SLC10A7: variants seen among roughly 807,000 people sequenced by gnomAD.
The protein encoded by SLC10A7 is sodium/bile acid cotransporter 7.
A neutral mutation model predicts 43.2 loss-of-function variants in SLC10A7; 29 were observed. The ratio of observed to expected loss-of-function variants is 0.67; its 90% confidence interval spans 0.50 to 0.92. The LOEUF is 0.92. Among genes scored for constraint, SLC10A7 ranks in the 40% least tolerant of loss-of-function variants. The pLI, the probability that SLC10A7 is intolerant of heterozygous loss-of-function variation, is 0.00. For synonymous variants in SLC10A7, 152 were observed against 144.8 expected (o/e 1.05, Z -0.35); for missense variants, 295 against 403.2 (o/e 0.73, Z 2.30).
At chr4:146,306,873 GATA>G (rs1560783354) in intron 6 of SLC10A7, among the ~76,000 whole-genome samples, 1 of 152,086 alleles carries the variant, frequency 6.6e-6, no homozygotes, top group East Asian at 1.9e-4. Context: ...CCAAACCATC[GATA>G]ATTGGCCCTT....
intron 10 of SLC10A7, among the ~76,000 whole-genome samples, chr4:146,269,253 A>G (rs1354816499): frequency 6.6e-6 from 1 of 152,246 alleles, no homozygotes; most frequent in Non-Finnish European, 1.5e-5. Flanking sequence ...ATTTAACTCT[A>G]CCAATTGAAG....
intron 5 of SLC10A7, among the ~76,000 whole-genome samples, chr4:146,368,081 A>G (rs1736520653): frequency 1.3e-5 from 2 of 152,208 alleles, no homozygotes; most frequent in Admixed American, 1.3e-4. Flanking sequence ...CTCAGAATTA[A>G]CACTGCCAGG....
At chr4:146,308,270 A>T (rs912936819) in intron 6 of SLC10A7, among the ~76,000 whole-genome samples, 7 of 152,158 alleles carry the variant, frequency 4.6e-5, no homozygotes, top group Non-Finnish European at 1.0e-4. Flanking sequence ...TCTGAAAGGA[A>T]GGAAACCTCA....
intron 5 of SLC10A7, among the ~76,000 whole-genome samples, chr4:146,372,453 C>T (rs1355402601): frequency 6.0e-5 from 7 of 116,994 alleles, no homozygotes; most frequent in Admixed American, 8.7e-5. Flanking sequence ...AACCCTGTTT[C>T]AAAAAAAAAA....
intron 5 of SLC10A7, among the ~76,000 whole-genome samples, chr4:146,329,283 T>C (rs1733371767): frequency 1.3e-5 from 2 of 152,184 alleles, no homozygotes; most frequent in Admixed American, 6.5e-5. Context: ...TTCAGTTGTA[T>C]TAGGAAGTGA....
At chr4:146,461,822 G>GAT (rs1344667756) in intron 4 of SLC10A7, among the ~76,000 whole-genome samples, 1 of 98,680 alleles carries the variant, frequency 1.0e-5, no homozygotes, top group African/African-American at 3.9e-5. Context: ...GAGTGACCAG[G>GAT]CTTTTTTTTT....
At chr4:146,517,357 G>T (rs1375353752) in intron 1 of SLC10A7, among the ~76,000 whole-genome samples, 1 of 152,048 alleles carries the variant, frequency 6.6e-6, no homozygotes, top group Non-Finnish European at 1.5e-5. Flanking sequence ...CCAGCTCCTT[G>T]GGAGGCTGAG....
intron 7 of SLC10A7, among the ~76,000 whole-genome samples, chr4:146,305,594 T>TA (rs201374314): frequency 1.9e-3 from 285 of 146,430 alleles, no homozygotes; most frequent in African/African-American, 5.5e-3. Context: ...AAAAAAAACT[T>TA]AAAAAAAAAA....
At chr4:146,459,631 A>G (rs1184492335) in intron 4 of SLC10A7, among the ~76,000 whole-genome samples, 1 of 151,534 alleles carries the variant, frequency 6.6e-6, no homozygotes, top group Non-Finnish European at 1.5e-5. Context: ...AAAAAAACGA[A>G]AAACTCTGAT....
chr4:146,444,868 G>C (rs1730906954), intron 4 of SLC10A7, among the ~76,000 whole-genome samples: 1 of 152,134 alleles, frequency 6.6e-6, no homozygotes, highest in African/African-American at 2.4e-5. Flanking sequence ...CAAGGATCTT[G>C]GGCTCAACAG....
intron 5 of SLC10A7, among the ~76,000 whole-genome samples, chr4:146,389,740 T>G (rs527840989): frequency 6.6e-6 from 1 of 152,342 alleles, no homozygotes; most frequent in East Asian, 1.9e-4. Flanking sequence ...GGCTGTTAGA[T>G]AGATATGAAT....
intron 3 of SLC10A7, 26 bp downstream of exon 3, chr4:146,509,887 A>G (rs528819057): frequency 1.3e-5 from 21 of 1,598,266 alleles, no homozygotes; most frequent in Non-Finnish European, 1.4e-5. Context: ...TTAAAAGTGG[A>G]CCCACTTTTA....
intron 5 of SLC10A7, among the ~76,000 whole-genome samples, chr4:146,425,331 A>C (rs1478125670): frequency 1.3e-5 from 2 of 152,244 alleles, no homozygotes; most frequent in Non-Finnish European, 2.9e-5. Flanking sequence ...TTGTTTATTA[A>C]ATATCTTTCA....
At chr4:146,322,370 C>G (rs886808242) in intron 6 of SLC10A7, among the ~76,000 whole-genome samples, 4 of 116,104 alleles carry the variant, frequency 3.4e-5, no homozygotes, top group Admixed American at 2.8e-4. Flanking sequence ...TCCCTCCCCC[C>G]TCCCCCACCC....
At chr4:146,262,159 C>T (rs1015214315) in intron 10 of SLC10A7, among the ~76,000 whole-genome samples, 5 of 152,080 alleles carry the variant, frequency 3.3e-5, no homozygotes, top group Non-Finnish European at 7.4e-5. Flanking sequence ...TTCTTTCAAC[C>T]TCTCCCCCAC....
In SLC10A7 at chr4:146,322,169, AT is replaced by A. The variant is rs1490487369; in HGVS notation, c.471+3791del. 2.6e-5 allele frequency among the ~76,000 whole-genome samples: 4 copies of A among 152,156 alleles called. No homozygotes were observed. The East Asian group carries it at 7.7e-4, about 29-fold the overall frequency. The stretch of plus-strand genomic sequence containing the variant: ...AAGTGATGCCATAATTTTTATCAGC[AT>A]GTTACCGCACAGATATGGAAAGGAG... On this transcript the variant is annotated intron_variant, in intron 6 of 11. Transcript: ENST00000335472.
intron 7 of SLC10A7, among the ~76,000 whole-genome samples, chr4:146,296,256 C>G (rs1174142299): frequency 6.6e-6 from 1 of 152,162 alleles, no homozygotes; most frequent in Admixed American, 6.5e-5. Context: ...GGTTGTTACA[C>G]TGTACTTTTA....
intron 4 of SLC10A7, among the ~76,000 whole-genome samples, chr4:146,463,350 G>T (rs1732706800): frequency 6.6e-6 from 1 of 152,112 alleles, no homozygotes. Context: ...TCAGGGAAAA[G>T]TTAACTTCAC....
intron 4 of SLC10A7, among the ~76,000 whole-genome samples, chr4:146,452,244 G>T (rs1731664946): frequency 6.6e-6 from 1 of 151,972 alleles, no homozygotes; most frequent in South Asian, 2.1e-4. Flanking sequence ...ACTGACTATT[G>T]GCCACAATTG....
Sources: allele counts gnomAD v4.1 joint callset (sites outside exome capture counted in the v4.1 genomes callset), GRCh38; gene constraint gnomAD v4.1.1; transcripts MANE v1.5; gene names NCBI Gene and HGNC (gene_info 2026-07-23, HGNC 2026-07-21).